PPP3CA: variants seen among roughly 807,000 people sequenced by gnomAD.
The protein encoded by PPP3CA is protein phosphatase 3 catalytic subunit alpha.
Under a neutral mutation model 66.5 loss-of-function variants are expected in PPP3CA, and 14 were observed. The ratio of observed to expected loss-of-function variants is 0.21; its 90% CI spans 0.14 to 0.33. The LOEUF is 0.33. Among genes scored for constraint, PPP3CA ranks in the 10% least tolerant of loss-of-function variants. PPP3CA has a pLI of 1.00. For synonymous variants in PPP3CA, 232 were observed against 226.2 expected (o/e 1.03, Z -0.23); for missense variants, 317 against 639.5 (o/e 0.50, Z 5.44).
chr4:101,254,135 G>A lies in PPP3CA; in HGVS notation c.59-58019C>T, dbSNP rs574925731. Among the ~76,000 whole-genome samples the A allele has an allele frequency of 3.9e-5, 6 of 152,138 alleles. No individual in the cohort carries two copies. The South Asian group carries it at 1.2e-3, about 32-fold the overall frequency. ...ATGACTTAATCCTCACAAAGTCCCA[G>A]TAGAGTTTGTTCTTCCAGTTACAAT... On this transcript the variant is annotated intron_variant, in intron 1 of 13. Transcript: ENST00000394854.
intron 1 of PPP3CA, among the ~76,000 whole-genome samples, chr4:101,204,756 T>C (rs1725079600): frequency 6.6e-6 from 1 of 152,014 alleles, no homozygotes; most frequent in Non-Finnish European, 1.5e-5. Flanking sequence ...ATTTACTGAT[T>C]TTGAAATATA....
chr4:101,128,713 G>A (rs775108604), intron 2 of PPP3CA, among the ~76,000 whole-genome samples: 8 of 151,994 alleles, frequency 5.3e-5, no homozygotes, highest in Non-Finnish European at 1.2e-4. Flanking sequence ...GTGCTCTCCG[G>A]CCCAGATACT....
At chr4:101,076,521 A>G (rs948880483) in intron 8 of PPP3CA, among the ~76,000 whole-genome samples, 2 of 152,218 alleles carry the variant, frequency 1.3e-5, no homozygotes, top group African/African-American at 4.8e-5. Context: ...ACATTCAGAG[A>G]AGGACCACCA....
At chr4:101,270,751 C>T (rs892095232) in intron 1 of PPP3CA, among the ~76,000 whole-genome samples, 1 of 152,144 alleles carries the variant, frequency 6.6e-6, no homozygotes, top group Admixed American at 6.6e-5. Context: ...TGATGCCCTA[C>T]ATAAGACTTA....
chr4:101,305,824 A>T (rs944202583), intron 1 of PPP3CA, among the ~76,000 whole-genome samples: 2 of 152,196 alleles, frequency 1.3e-5, no homozygotes, highest in South Asian at 4.1e-4. Flanking sequence ...CCTTTCATTA[A>T]TATCTTCTTT....
intron 1 of PPP3CA, among the ~76,000 whole-genome samples, chr4:101,227,871 T>G (rs1442466120): frequency 1.3e-5 from 2 of 151,764 alleles, no homozygotes; most frequent in East Asian, 3.9e-4. Flanking sequence ...GCTCCATCCA[T>G]GTACCCATGT....
intron 1 of PPP3CA, among the ~76,000 whole-genome samples, chr4:101,255,141 A>T (rs1300328600): frequency 6.6e-6 from 1 of 151,672 alleles, no homozygotes; most frequent in Admixed American, 6.6e-5. Context: ...AAAACTTCAA[A>T]TGTTACAGAT....
At chr4:101,038,636 G>C (rs1387955204) in intron 11 of PPP3CA, among the ~76,000 whole-genome samples, 1 of 152,046 alleles carries the variant, frequency 6.6e-6, no homozygotes. Context: ...CCAAAGTGCT[G>C]GGATTACAGG....
chr4:101,035,068 C>T (rs1376008478), intron 11 of PPP3CA, among the ~76,000 whole-genome samples: 1 of 152,062 alleles, frequency 6.6e-6, no homozygotes, highest in East Asian at 1.9e-4. Context: ...GAGTTTGAGA[C>T]CAGCCTGGCC....
intron 2 of PPP3CA, among the ~76,000 whole-genome samples, chr4:101,140,399 A>G (rs535997807): frequency 1.3e-5 from 2 of 152,302 alleles, no homozygotes; most frequent in Admixed American, 1.3e-4. Flanking sequence ...TGCATGCCCT[A>G]TGCAAACACT....
intron 6 of PPP3CA, among the ~76,000 whole-genome samples, chr4:101,088,295 G>T (rs1345457831): frequency 6.6e-6 from 1 of 152,120 alleles, no homozygotes; most frequent in East Asian, 1.9e-4. Context: ...ATAAAACTTA[G>T]TAGAGAGAGG....
chr4:101,114,301 T>A (rs142962433), intron 2 of PPP3CA, among the ~76,000 whole-genome samples: 1 of 152,122 alleles, frequency 6.6e-6, no homozygotes, highest in Non-Finnish European at 1.5e-5. Context: ...ATTAAATATA[T>A]TGAAATAAAA....
chr4:101,053,383 G>C (rs1728092352), intron 10 of PPP3CA, among the ~76,000 whole-genome samples: 1 of 152,044 alleles, frequency 6.6e-6, no homozygotes, highest in Admixed American at 6.6e-5. Flanking sequence ...TGCCTGAACT[G>C]CTACACAAAC....
At chr4:101,236,585 G>T (rs1379651589) in intron 1 of PPP3CA, among the ~76,000 whole-genome samples, 2 of 151,972 alleles carry the variant, frequency 1.3e-5, no homozygotes, top group African/African-American at 4.8e-5. Context: ...GGGAGTAATG[G>T]CCAGTCCTTT....
At chr4:101,314,569 CAAAAAAAAA>C (rs748980814) in intron 1 of PPP3CA, among the ~76,000 whole-genome samples, 1 of 75,256 alleles carries the variant, frequency 1.3e-5, no homozygotes, top group Admixed American at 1.7e-4. Flanking sequence ...ATCTCAAAAC[CAAAAAAAAA>C]AAAAAAAAAA....
chr4:101,083,820 A>G (rs895793219), intron 6 of PPP3CA, among the ~76,000 whole-genome samples: 1 of 152,210 alleles, frequency 6.6e-6, no homozygotes, highest in Admixed American at 6.5e-5. Context: ...ATCTAACATT[A>G]TGGGTACAAT....
intron 2 of PPP3CA, among the ~76,000 whole-genome samples, chr4:101,117,567 A>G (rs949659778): frequency 2.0e-5 from 3 of 151,894 alleles, no homozygotes; most frequent in African/African-American, 7.2e-5. Flanking sequence ...TAATATTATA[A>G]TAAAGATGCC....
chr4:101,291,909 C>A (rs1181103945), intron 1 of PPP3CA, among the ~76,000 whole-genome samples: 1 of 152,072 alleles, frequency 6.6e-6, no homozygotes, highest in African/African-American at 2.4e-5. Flanking sequence ...TGGGCAGATC[C>A]CTTGAGCCCA....
At chr4:101,336,943 A>C (rs1281357386) in intron 1 of PPP3CA, among the ~76,000 whole-genome samples, 1 of 152,190 alleles carries the variant, frequency 6.6e-6, no homozygotes, top group Non-Finnish European at 1.5e-5. Flanking sequence ...GGCATGAGCA[A>C]GTGTAAGAGA....
Sources: allele counts gnomAD v4.1 joint callset (sites outside exome capture counted in the v4.1 genomes callset), GRCh38; gene constraint gnomAD v4.1.1; transcripts MANE v1.5; gene names NCBI Gene and HGNC (gene_info 2026-07-23, HGNC 2026-07-21).